Variants in VSTM4 observed in about 807,000 individuals in gnomAD.
VSTM4 encodes the protein V-set and transmembrane domain-containing protein 4.
A neutral mutation model predicts 36.4 loss-of-function variants in VSTM4; 20 were observed. The ratio of observed to expected loss-of-function variants is 0.55; its 90% CI spans 0.39 to 0.80. The LOEUF (loss-of-function observed/expected upper bound fraction) is 0.80. Ranked by LOEUF, VSTM4 falls within the 30% of genes least tolerant of loss-of-function variation. VSTM4 has a pLI of 0.00. For missense variants in VSTM4, 392 were observed against 404.5 expected, an observed-to-expected ratio of 0.97 and a Z score of 0.26; for synonymous variants, 182 against 173.9, an observed-to-expected ratio of 1.05 and a Z score of -0.37.
chr10:49,042,075 C>T (rs926839887), intron 7 of VSTM4, among the ~76,000 whole-genome samples: 12 of 152,186 alleles, frequency 7.9e-5, no homozygotes, highest in Non-Finnish European at 1.6e-4. Context: ...CACATAAACA[C>T]GCACACCCAG....
chr10:49,067,161 C>T (rs1281536954), intron 4 of VSTM4, among the ~76,000 whole-genome samples: 1 of 152,090 alleles, frequency 6.6e-6, no homozygotes, highest in African/African-American at 2.4e-5. Flanking sequence ...TCTTTCGCAA[C>T]AATTTACATT....
intron 5 of VSTM4, among the ~76,000 whole-genome samples, chr10:49,057,828 C>A (rs1480448178): frequency 6.6e-6 from 1 of 152,200 alleles, no homozygotes; most frequent in African/African-American, 2.4e-5. Flanking sequence ...AGTTAAAATC[C>A]AAGCAAACAA....
chr10:49,055,049 G>A (rs17782595), intron 5 of VSTM4, among the ~76,000 whole-genome samples: 1 of 152,124 alleles, frequency 6.6e-6, no homozygotes, highest in Non-Finnish European at 1.5e-5. Context: ...TGGGCACAAA[G>A]CTGTCTGTCA....
chr10:49,079,535 C>T (rs532715022), intron 3 of VSTM4, among the ~76,000 whole-genome samples: 12 of 152,336 alleles, frequency 7.9e-5, no homozygotes, highest in Admixed American at 5.2e-4. Flanking sequence ...AAATGTTTCT[C>T]TGTTGACTTA....
At chr10:49,114,719 T>A (rs993664940) in intron 1 of VSTM4, among the ~76,000 whole-genome samples, 1 of 152,176 alleles carries the variant, frequency 6.6e-6, no homozygotes, top group Non-Finnish European at 1.5e-5. Context: ...TTACTATTAT[T>A]CCAGCCAGTA....
intron 2 of VSTM4, among the ~76,000 whole-genome samples, chr10:49,098,739 G>A (rs1262302186): frequency 6.6e-6 from 1 of 152,192 alleles, no homozygotes; most frequent in Non-Finnish European, 1.5e-5. Flanking sequence ...ACCCTGCGGT[G>A]TGTTCCCACA....
intron 7 of VSTM4, among the ~76,000 whole-genome samples, chr10:49,027,021 A>G (rs1001301795): frequency 1.3e-5 from 2 of 152,102 alleles, no homozygotes; most frequent in African/African-American, 4.8e-5. Flanking sequence ...TGCCTGTCAC[A>G]CACAAGGTGG....
At chr10:49,081,147 C>T (rs1844271256) in intron 3 of VSTM4, among the ~76,000 whole-genome samples, 1 of 152,184 alleles carries the variant, frequency 6.6e-6, no homozygotes, top group Non-Finnish European at 1.5e-5. Context: ...CCCAGCAAAC[C>T]CACGGCCAGT....
At chr10:49,105,231 G>A (rs1190688812) in intron 2 of VSTM4, among the ~76,000 whole-genome samples, 1 of 148,936 alleles carries the variant, frequency 6.7e-6, no homozygotes, top group Non-Finnish European at 1.5e-5. Flanking sequence ...GAGAGAGAGA[G>A]AGAGACAGAG....
intron 2 of VSTM4, among the ~76,000 whole-genome samples, chr10:49,088,954 G>A (rs953038567): frequency 1.3e-5 from 2 of 152,234 alleles, no homozygotes; most frequent in Admixed American, 1.3e-4. Flanking sequence ...CCTCAGAAAT[G>A]CAGAATGGCA....
intron 2 of VSTM4, chr10:49,103,675 G>A (rs1844710034): frequency 6.3e-7 from 1 of 1,588,260 alleles, no homozygotes; most frequent in African/African-American, 1.3e-5. Flanking sequence ...AGGGAAATGA[G>A]GAGAGACCAG....
At chr10:49,044,494 A>AAAAG (rs1168876192) in intron 7 of VSTM4, among the ~76,000 whole-genome samples, 5 of 149,980 alleles carry the variant, frequency 3.3e-5, no homozygotes, top group Non-Finnish European at 2.9e-5. Flanking sequence ...AAAATTAAAG[A>AAAAG]AAAGAAGGAA....
intron 7 of VSTM4, among the ~76,000 whole-genome samples, chr10:49,036,313 C>T (rs570756529): frequency 6.6e-6 from 1 of 152,308 alleles, no homozygotes; most frequent in South Asian, 2.1e-4. Flanking sequence ...GAAATTTTAT[C>T]TCTGCAAAAA....
At chr10:49,110,789 C>A (rs1012371436) in intron 1 of VSTM4, among the ~76,000 whole-genome samples, 3 of 152,076 alleles carry the variant, frequency 2.0e-5, no homozygotes, top group African/African-American at 7.2e-5. Context: ...AGAAACCAAC[C>A]CTGCCAGCAC....
intron 3 of VSTM4, among the ~76,000 whole-genome samples, chr10:49,078,433 C>A (rs1844218151): frequency 6.6e-6 from 1 of 151,750 alleles, no homozygotes; most frequent in Non-Finnish European, 1.5e-5. Context: ...AAGTGTGGTA[C>A]ATCCACACCA....
chr10:49,101,711 T>A (rs1844669222), intron 2 of VSTM4, among the ~76,000 whole-genome samples: 2 of 152,234 alleles, frequency 1.3e-5, no homozygotes, highest in South Asian at 2.1e-4. Flanking sequence ...ATTTTAAATA[T>A]GCTTAGCCTT....
chr10:49,071,449 A>G (rs1446405487), intron 4 of VSTM4, among the ~76,000 whole-genome samples: 2 of 152,248 alleles, frequency 1.3e-5, no homozygotes, highest in African/African-American at 2.4e-5. Context: ...GAGCAAGGAC[A>G]GAGACTTGAG....
At chr10:49,051,643 G>A (rs548000819) in intron 5 of VSTM4, among the ~76,000 whole-genome samples, 16 of 152,186 alleles carry the variant, frequency 1.1e-4, no homozygotes, top group South Asian at 2.1e-4. Context: ...TGATCCACCC[G>A]CCTTGGCCTC....
intron 5 of VSTM4, among the ~76,000 whole-genome samples, chr10:49,052,540 A>AT (rs1843714434): frequency 2.7e-5 from 2 of 74,686 alleles, no homozygotes; most frequent in African/African-American, 8.0e-5. Flanking sequence ...CACCATTTGG[A>AT]CATATTTATT....
Sources: allele counts gnomAD v4.1 joint callset (sites outside exome capture counted in the v4.1 genomes callset), GRCh38; gene constraint gnomAD v4.1.1; transcripts MANE v1.5; gene names NCBI Gene and HGNC (gene_info 2026-07-23, HGNC 2026-07-21).